Variants in TENM2 observed in about 807,000 individuals in gnomAD.
TENM2 encodes teneurin-2.
Under a neutral mutation model 245.2 loss-of-function variants are expected in TENM2, and 52 were observed. That is an observed-to-expected ratio of 0.21 (90% CI 0.17 to 0.27). The LOEUF is 0.27. TENM2 is among the 10% of genes least tolerant of loss of function. The pLI is 1.00. For synonymous variants in TENM2, 1,363 were observed against 1,438.9 expected (o/e 0.95, Z 1.19); for missense variants, 3,046 against 3,666.8 (o/e 0.83, Z 4.37).
At chr5:167,094,738 C>G in the TENM2 span, among the ~76,000 whole-genome samples, 1 of 152,164 alleles carries the variant, frequency 6.6e-6, no homozygotes, top group African/African-American at 2.4e-5. Context: ...AGAGTCAAAT[C>G]TAATGTACGG....
At position 168,190,561 on chromosome 5, in the gene TENM2, GTCCCTGC is replaced by G. The variant is rs1562263006; in HGVS notation, c.2780+15_2780+21del. The G allele has an allele frequency of 1.9e-6, 3 of 1,609,176 alleles. No individual in the cohort carries two copies. In the Admixed American group the frequency reaches 5.0e-5, roughly 27 times the overall value. On this transcript the variant is annotated intron_variant, in intron 14 of 28. Coordinates refer to ENST00000518659, the Ensembl canonical transcript of TENM2. ...TTTCAACAGCAGGTAGGCACCCTCT[GTCCCTGC>G]AAACTCCTGAAGTCTCTGATTTTCT...
At chr5:167,492,087 CAAGAGAG>C (rs1008321607) in intron 2 of TENM2, among the ~76,000 whole-genome samples, 1 of 151,904 alleles carries the variant, frequency 6.6e-6, no homozygotes, top group Non-Finnish European at 1.5e-5. Flanking sequence ...CTATGTTGAG[CAAGAGAG>C]AAGTTGTTGA....
chr5:167,575,187 C>T (rs1774558784), intron 2 of TENM2, among the ~76,000 whole-genome samples: 1 of 150,778 alleles, frequency 6.6e-6, no homozygotes, highest in Non-Finnish European at 1.5e-5. Flanking sequence ...AACAGAAATC[C>T]AGATTATATC....
the TENM2 span, among the ~76,000 whole-genome samples, chr5:167,239,346 G>C: frequency 6.6e-6 from 1 of 152,142 alleles, no homozygotes; most frequent in Non-Finnish European, 1.5e-5. Context: ...TCCAACTCCA[G>C]TGCTATGTTT....
the TENM2 span, among the ~76,000 whole-genome samples, chr5:166,995,590 C>T: frequency 1.3e-5 from 2 of 151,656 alleles, no homozygotes; most frequent in Admixed American, 6.6e-5. Context: ...TAGGAGCAGG[C>T]GGATCACCTG....
chr5:168,101,535 T>G (rs1456200980), intron 9 of TENM2, among the ~76,000 whole-genome samples: 1 of 152,082 alleles, frequency 6.6e-6, no homozygotes, highest in Non-Finnish European at 1.5e-5. Flanking sequence ...GGTGTGTGTT[T>G]TGCATTCACC....
At chr5:168,187,399 G>T (rs1368640864) in intron 13 of TENM2, 4 of 152,152 alleles carry the variant, frequency 2.6e-5, no homozygotes, top group Non-Finnish European at 5.9e-5. Context: ...TGGAGCGGGT[G>T]GTAAATGGGT....
chr5:167,593,934 C>T (rs1776037083), intron 2 of TENM2, among the ~76,000 whole-genome samples: 2 of 152,166 alleles, frequency 1.3e-5, no homozygotes, highest in African/African-American at 4.8e-5. Flanking sequence ...TAATATCATG[C>T]AGCTGTCATT....
chr5:167,390,835 G>A (rs973573910), intron 2 of TENM2, among the ~76,000 whole-genome samples: 5 of 152,158 alleles, frequency 3.3e-5, no homozygotes, highest in East Asian at 1.9e-4. Flanking sequence ...AACAAGGCAC[G>A]TCGAGAAAGC....
Position 167,923,434 on chromosome 5 carries a change from G to C in TENM2, c.713-29154G>C, listed in dbSNP as rs555554282. 5.9e-4 allele frequency among the ~76,000 whole-genome samples: 89 copies of C among 152,124 alleles called. 4 individuals are homozygous for C. The highest frequency in any genetic ancestry group is 1.0e-4 in the Non-Finnish European group (7 of 68,024). Reference sequence around the variant, plus strand: ...CACCTCTGTGCCAACAGCCTTGTTTGCATCTGAATAGAAATAGGATTAATT... The same window carrying C: ...CACCTCTGTGCCAACAGCCTTGTTTCCATCTGAATAGAAATAGGATTAATT... On this transcript the variant is annotated intron_variant, in intron 3 of 28. Coordinates refer to ENST00000518659, the Ensembl canonical transcript of TENM2.
intron 19 of TENM2, among the ~76,000 whole-genome samples, chr5:168,210,612 C>CT (rs34472788): frequency 4.3e-3 from 613 of 143,084 alleles, no homozygotes; most frequent in African/African-American, 0.01. Flanking sequence ...ATTTAATTAA[C>CT]TTTTTTTTTT....
At chr5:167,886,126 C>A (rs1044535119) in intron 3 of TENM2, among the ~76,000 whole-genome samples, 3 of 152,104 alleles carry the variant, frequency 2.0e-5, no homozygotes, top group Non-Finnish European at 4.4e-5. Context: ...ACATGGACAC[C>A]ATTAAGCTGT....
At chr5:167,370,497 T>C (rs114449130) in intron 1 of TENM2, among the ~76,000 whole-genome samples, 1,656 of 152,322 alleles carry the variant, frequency 0.011, 8 homozygotes, top group East Asian at 0.015. Flanking sequence ...CTGAACAGTT[T>C]TTAGACATTA....
At chr5:167,534,521 A>G (rs770061005) in intron 2 of TENM2, among the ~76,000 whole-genome samples, 4 of 152,236 alleles carry the variant, frequency 2.6e-5, no homozygotes, top group African/African-American at 7.2e-5. Context: ...GAGCAAAATT[A>G]TCAATTGTTT....
chr5:167,457,032 CTT>C (rs1269743654), intron 2 of TENM2, among the ~76,000 whole-genome samples: 4 of 152,146 alleles, frequency 2.6e-5, no homozygotes, highest in African/African-American at 9.7e-5. Flanking sequence ...TCTCACCGGC[CTT>C]TCTTACCTTA....
At chr5:167,146,949 C>T in the TENM2 span, among the ~76,000 whole-genome samples, 2 of 151,966 alleles carry the variant, frequency 1.3e-5, no homozygotes, top group Non-Finnish European at 2.9e-5. Context: ...ACATTTGTGA[C>T]ATCAGAAGGA....
intron 12 of TENM2, among the ~76,000 whole-genome samples, chr5:168,139,968 A>C (rs1755392741): frequency 6.6e-6 from 1 of 152,236 alleles, no homozygotes; most frequent in Admixed American, 6.5e-5. Flanking sequence ...GGCCATTCAA[A>C]CAAGACTGGG....
intron 2 of TENM2, among the ~76,000 whole-genome samples, chr5:167,773,739 A>T (rs1229778975): frequency 2.0e-5 from 3 of 151,892 alleles, no homozygotes; most frequent in Admixed American, 2.0e-4. Context: ...TTTTTTTTTT[A>T]AATGAAGCCA....
rs1343255942 is a variant in TENM2 at position 167,424,845 on chromosome 5, G to T, written c.502+49372G>T. On this transcript the variant is annotated intron_variant, in intron 2 of 28. Coordinates refer to ENST00000518659, the Ensembl canonical transcript of TENM2. ...AAAATATTATTCTTGCAGGTTTGGG[G>T]TTTTTTCTAACCTCATTCGCTCAGC... is the stretch of plus-strand genomic sequence containing the variant. 2.0e-5 allele frequency among the ~76,000 whole-genome samples: 3 copies of T among 152,064 alleles called. No homozygotes were observed. The East Asian group carries it at 5.8e-4, about 29-fold the overall frequency.
Sources: gnomAD v4.1 joint callset for allele counts (sites outside exome capture counted in the v4.1 genomes callset) on GRCh38, gnomAD v4.1.1 for gene constraint, MANE v1.5 for transcripts, NCBI Gene and HGNC (gene_info 2026-07-23, HGNC 2026-07-21) for gene names.